Variants in PTPRS observed in about 807,000 individuals in gnomAD.
PTPRS encodes the protein protein tyrosine phosphatase receptor type S.
PTPRS carries 63 observed loss-of-function variants against 215.3 expected under a neutral mutation model. The ratio of observed to expected loss-of-function variants is 0.29; its 90% CI spans 0.24 to 0.36. The LOEUF (loss-of-function observed/expected upper bound fraction) is 0.36, where lower values mean the gene tolerates loss of function less well. Ranked by LOEUF, PTPRS falls within the 10% of genes least tolerant of loss-of-function variation. The pLI is 1.00. For synonymous variants in PTPRS, 1,404 were observed against 1,191.4 expected (o/e 1.18, Z -3.68); for missense variants, 2,258 against 2,825.8 (o/e 0.80, Z 4.56).
rs572955991 is a variant in PTPRS at position 5,261,217 on chromosome 19, C to T, written c.578-395G>A. On this transcript the variant is annotated intron_variant, in intron 6 of 37. Transcript: ENST00000262963. ...GTTCATCACCCCCCCTTCCTTCTTT[C>T]CGTCTTAGGGAGCCCAGCAAGAGAC... 2.0e-5 allele frequency among the ~76,000 whole-genome samples: 3 copies of T among 152,172 alleles called. No homozygotes were observed. The South Asian group carries it at 6.2e-4, about 32-fold the overall frequency.
intron 1 of PTPRS, among the ~76,000 whole-genome samples, chr19:5,335,685 C>T (rs1029215872): frequency 1.3e-5 from 2 of 152,132 alleles, no homozygotes; most frequent in African/African-American, 4.8e-5. Context: ...TGAAATCTGT[C>T]CCCATGAAAC....
Position 5,288,059 on chromosome 19 carries a change from C to T in PTPRS, c.-94-1825G>A, listed in dbSNP as rs548687036. On this transcript the variant is annotated intron_variant, in intron 1 of 37. Coordinates refer to ENST00000262963, the MANE Select transcript of PTPRS (RefSeq NM_002850.4). ...TAGTCAGACCACAAACACAGACAGGCCCAAAATCAGACCACAGACATACAC... is the reference window on the plus strand; with the variant it reads ...TAGTCAGACCACAAACACAGACAGGTCCAAAATCAGACCACAGACATACAC... Among the ~76,000 whole-genome samples, 6 of 151,246 alleles carry T rather than the reference C, an allele frequency of 4.0e-5. No homozygotes were observed. In the East Asian group the frequency reaches 9.8e-4, roughly 25 times the overall value.
chr19:5,236,951 A>G (rs981852795), intron 13 of PTPRS, among the ~76,000 whole-genome samples: 3 of 152,192 alleles, frequency 2.0e-5, no homozygotes, highest in African/African-American at 7.2e-5. Flanking sequence ...AAAATAAGAA[A>G]CAACAGTGAT....
rs1474498846 is a variant in PTPRS, at chr19:5,273,452, A to G, written c.369T>C (p.Thr123=). ...TGAGGAGCCCAATACCTCGGAGGACAGTAAGCTTGGCATGGACTGTGATCT... is the reference window on the plus strand; with the variant it reads ...TGAGGAGCCCAATACCTCGGAGGACGGTAAGCTTGGCATGGACTGTGATCT... ...VGEITVHAKL[T]VLREDQLPSG... Residue 123 remains threonine (T), a synonymous_variant, in exon 4 of 38, where the codon ACT becomes ACC. Transcript: ENST00000262963. 6.2e-7 allele frequency: 1 copy of G among 1,614,178 alleles called. No homozygotes were observed. The highest frequency in any genetic ancestry group is 8.5e-7 in the Non-Finnish European group (1 of 1,180,028).
intron 1 of PTPRS, among the ~76,000 whole-genome samples, chr19:5,289,268 T>C (rs556871207): frequency 6.6e-6 from 1 of 152,262 alleles, no homozygotes; most frequent in East Asian, 1.9e-4. Flanking sequence ...TCCCATCAGC[T>C]CTGCCTTCAG....
chr19:5,260,940 G>C (rs1231464950), intron 6 of PTPRS, 118 bp from the exon 7 acceptor site: 2 of 1,251,282 alleles, frequency 1.6e-6, no homozygotes, highest in Non-Finnish European at 2.3e-6. Flanking sequence ...GCCCCAGGGA[G>C]GGGATCGAGC....
chr19:5,339,357 GGAGAC>G lies in PTPRS; in HGVS notation c.-95+1302_-95+1306del, dbSNP rs2050611034. Among the ~76,000 whole-genome samples the G allele has an allele frequency of 6.6e-6, 1 of 152,094 alleles. No homozygotes were observed. Among genetic ancestry groups the G allele is most frequent in the Non-Finnish European group, 1.5e-5 (1 of 68,006 alleles). ...GCGTTCTTGGAAGCTGCATATTTAG[GGAGAC>G]GAGAAGACGATTTGAGACTGGGGAA... On this transcript the variant is annotated intron_variant, in intron 1 of 37. Transcript: ENST00000262963. The surrounding 1 kb of genome is among the most constrained non-coding windows in gnomAD (Gnocchi z 4.2).
chr19:5,310,966 G>A (rs932283619), intron 1 of PTPRS, among the ~76,000 whole-genome samples: 20 of 152,066 alleles, frequency 1.3e-4, no homozygotes, highest in Middle Eastern at 3.4e-3. Flanking sequence ...TGCAACCTCT[G>A]CCTCCCTGGT....
At chr19:5,298,718 A>G (rs1434127308) in intron 1 of PTPRS, among the ~76,000 whole-genome samples, 1 of 152,216 alleles carries the variant, frequency 6.6e-6, no homozygotes, top group African/African-American at 2.4e-5. Context: ...GGCACGCCCC[A>G]GCTCCATGTC....
At chr19:5,256,192 G>C in intron 8 of PTPRS, 73 bp from the exon 9 acceptor site, 1 of 1,292,868 alleles carries the variant, frequency 7.7e-7, no homozygotes, top group Non-Finnish European at 1.1e-6. Context: ...GGGAGATACA[G>C]AGAGTAAAAA....
At chr19:5,250,263 T>C (rs939235143) in intron 9 of PTPRS, among the ~76,000 whole-genome samples, 4 of 152,174 alleles carry the variant, frequency 2.6e-5, no homozygotes, top group African/African-American at 7.2e-5. Flanking sequence ...ATCATGCCCA[T>C]TGGCACTAGG....
In PTPRS at chr19:5,222,155, G is replaced by A. The variant is rs768857484; in HGVS notation, c.3169C>T (p.Pro1057Ser). 3 of 1,613,838 alleles carry A rather than the reference G, an allele frequency of 1.9e-6. No homozygotes were observed. The highest frequency in any genetic ancestry group is 2.5e-6 in the Non-Finnish European group (3 of 1,179,984). Residue 1057 changes from proline to serine, a missense_variant, in exon 19 of 38, where the codon CCT (proline) becomes TCT (serine). This residue lies in a region of PTPRS where 361 missense variants were observed against 332.6 expected (regional missense o/e 1.09). Transcript: ENST00000262963. Reference sequence around the variant, plus strand: ...GGTGTGGGTGAGTTGTAGTTGTCAGGGAACTCCCAGCTGAGCAGAACTGAT... The same window carrying A: ...GGTGTGGGTGAGTTGTAGTTGTCAGAGAACTCCCAGCTGAGCAGAACTGAT... ...KTSVLLSWEFPDNYNSPTPYK... is the reference protein window; with the variant it reads ...KTSVLLSWEFSDNYNSPTPYK...
At position 5,214,625 on chromosome 19, in the gene PTPRS, C is replaced by A; in HGVS notation, c.4430G>T (p.Arg1477Leu). 6.2e-7 allele frequency: 1 copy of A among 1,613,364 alleles called. No homozygotes were observed. The highest frequency in any genetic ancestry group is 8.5e-7 in the Non-Finnish European group (1 of 1,179,956). ...CGCCGACCGCTGCTCCCACACCATA[C>A]GCCAGAAGTCCCCAAAGGTCTCAGG... ...PLPETFGDFW[R>L]MVWEQRSATI... Residue 1477 changes from arginine to leucine, a missense_variant, in exon 29 of 38, where the codon CGT (arginine) becomes CTT (leucine). Coordinates refer to ENST00000262963, the MANE Select transcript of PTPRS (RefSeq NM_002850.4).
intron 1 of PTPRS, among the ~76,000 whole-genome samples, chr19:5,324,443 T>C (rs1358313642): frequency 6.6e-6 from 1 of 151,966 alleles, no homozygotes; most frequent in East Asian, 1.9e-4. Context: ...GAGCATTTTG[T>C]GTATGGAAGG....
At chr19:5,253,502 T>TA (rs1599717537) in intron 9 of PTPRS, among the ~76,000 whole-genome samples, 1 of 152,298 alleles carries the variant, frequency 6.6e-6, no homozygotes, top group East Asian at 1.9e-4. Context: ...GCCTTGTACT[T>TA]AATATGGGCC....
At chr19:5,273,735 G>C (rs34971228) in intron 3 of PTPRS, 152 bp from the exon 4 acceptor site, 187,385 of 957,424 alleles carry the variant, frequency 0.2, 21,079 homozygotes, top group Non-Finnish European at 0.22. Context: ...GAATGTGCAC[G>C]TGTGTCGGTG....
chr19:5,246,067 C>T (rs537667782), intron 9 of PTPRS, 22 bp from the exon 10 acceptor site: 524 of 949,702 alleles, frequency 5.5e-4, no homozygotes, highest in Non-Finnish European at 6.7e-4. Flanking sequence ...GCGGCAGTGG[C>T]GGCGGGAGGG....
chr19:5,226,791 ATATT>A, intron 16 of PTPRS, among the ~76,000 whole-genome samples: 1 of 152,180 alleles, frequency 6.6e-6, no homozygotes. Context: ...CAACTAAGTT[ATATT>A]GAAAGCAAAG....
At chr19:5,268,730 C>G (rs778702057) in intron 4 of PTPRS, among the ~76,000 whole-genome samples, 9 of 152,196 alleles carry the variant, frequency 5.9e-5, no homozygotes, top group Non-Finnish European at 1.2e-4. Context: ...TCCTCCAAGC[C>G]TTTTCCATAG....
Sources: gnomAD v4.1 joint callset for allele counts (sites outside exome capture counted in the v4.1 genomes callset) on GRCh38, gnomAD v4.1.1 for gene constraint, gnomAD v4.1.1 regional missense constraint, Gnocchi (gnomAD v3.1) non-coding constraint, MANE v1.5 for transcripts, NCBI Gene and HGNC (gene_info 2026-07-23, HGNC 2026-07-21) for gene names.